P2RX7: variants seen among roughly 807,000 people sequenced by gnomAD.
P2RX7 encodes the protein purinergic receptor P2X 7.
Under a neutral mutation model 71.6 loss-of-function variants are expected in P2RX7, and 62 were observed. The observed-to-expected ratio is 0.87, with a 90% CI of 0.71 to 1.07. P2RX7 has a LOEUF of 1.07. P2RX7 is among the 50% of genes least tolerant of loss of function. The pLI is 0.00. For synonymous variants in P2RX7, 299 were observed against 283.3 expected (o/e 1.06, Z -0.56); for missense variants, 686 against 748.5 (o/e 0.92, Z 0.97).
chr12:121,134,610 T>C (rs1873137894), intron 1 of P2RX7, among the ~76,000 whole-genome samples: 1 of 152,210 alleles, frequency 6.6e-6, no homozygotes, highest in African/African-American at 2.4e-5. Context: ...CAGGCTGGTC[T>C]CAAACTCCTG....
At chr12:121,166,343 C>A (rs475836) in intron 7 of P2RX7, among the ~76,000 whole-genome samples, 156 bp downstream of exon 7, 2 of 151,790 alleles carry the variant, frequency 1.3e-5, no homozygotes, top group Non-Finnish European at 1.5e-5. Flanking sequence ...CTTTACCTAC[C>A]ATACCTCGTC....
chr12:121,164,353 A>T (rs1176918254), intron 5 of P2RX7, among the ~76,000 whole-genome samples: 1 of 152,216 alleles, frequency 6.6e-6, no homozygotes, highest in Non-Finnish European at 1.5e-5. Flanking sequence ...AGACTTTGCT[A>T]AGTTTTAGGT....
intron 8 of P2RX7, among the ~76,000 whole-genome samples, chr12:121,169,700 G>T (rs754970485): frequency 6.6e-6 from 1 of 152,150 alleles, no homozygotes; most frequent in East Asian, 1.9e-4. Context: ...GAACCCGGGG[G>T]TTTGAGGCTA....
In P2RX7 at chr12:121,176,228, A is replaced by AACACACACACACAC. The variant is rs56222751; in HGVS notation, c.972+779_972+792dup. ...GAGAGGCCAACACCCCAGCCCCTTC[A>AACACACACACACAC]ACACACACACACACACACACACACA... On this transcript the variant is annotated intron_variant, in intron 9 of 12. Coordinates refer to ENST00000328963, the MANE Select transcript of P2RX7 (RefSeq NM_002562.6). 6.2e-3 allele frequency among the ~76,000 whole-genome samples: 874 copies of AACACACACACACAC among 140,812 alleles called. 3 individuals are homozygous for AACACACACACACAC. The highest frequency in any genetic ancestry group is 0.018 in the South Asian group (74 of 4,162). The allele number at this position is 140,812 out of a possible 152,430, so 92.4% of individuals were successfully genotyped here.
At chr12:121,167,199 TG>T (rs1360023264) in intron 7 of P2RX7, among the ~76,000 whole-genome samples, 2 of 151,316 alleles carry the variant, frequency 1.3e-5, no homozygotes, top group African/African-American at 2.4e-5. Flanking sequence ...AATGGGGGCG[TG>T]GGGGGCATTA....
chr12:121,145,960 G>C (rs571918597), intron 1 of P2RX7, among the ~76,000 whole-genome samples: 124 of 152,218 alleles, frequency 8.1e-4, no homozygotes, highest in African/African-American at 2.8e-3. Context: ...GAAGTTGATG[G>C]GATAAATGAA....
chr12:121,152,743 C>A (rs1565947755), intron 1 of P2RX7, among the ~76,000 whole-genome samples: 1 of 152,236 alleles, frequency 6.6e-6, no homozygotes, highest in East Asian at 1.9e-4. Flanking sequence ...GCCTCAAACT[C>A]CTGACCTCAG....
In P2RX7 at chr12:121,178,791, CAAAAAAAAA is replaced by C. The variant is rs386377968; in HGVS notation, c.1188+1359_1188+1367del. Among the ~76,000 whole-genome samples the C allele has an allele frequency of 2.0e-4, 13 of 66,512 alleles. No homozygotes were observed. In the Admixed American group the frequency reaches 2.1e-3, roughly 11 times the overall value. The allele number at this position is 66,512 out of a possible 152,430, so 43.6% of individuals were successfully genotyped here. ...TGAGTGACAGAGGGAAACTCTGTCT[CAAAAAAAAA>C]AAAAAAAAAAAAATTATAGGACTTG... is the stretch of plus-strand genomic sequence containing the variant. On this transcript the variant is annotated intron_variant, in intron 11 of 12. Transcript: ENST00000328963.
rs59533773 is a variant in P2RX7, at chr12:121,166,887, C to CAAAA, written c.745-588_745-585dup. Among the ~76,000 whole-genome samples, 819 of 107,648 alleles carry CAAAA rather than the reference C, an allele frequency of 7.6e-3. 9 individuals are homozygous for CAAAA. Among genetic ancestry groups the CAAAA allele is most frequent in the African/African-American group, 0.025 (763 of 30,204 alleles). The allele number at this position is 107,648 out of a possible 152,430, so 70.6% of individuals were successfully genotyped here. On this transcript the variant is annotated intron_variant, in intron 7 of 12. Transcript: ENST00000328963. ...TGAAAGCCCATCTTTACTAAAAATA[C>CAAAA]AAAAAAAAAAAAAAAATAGCCGGGC...
At chr12:121,145,726 T>G (rs1320714237) in intron 1 of P2RX7, among the ~76,000 whole-genome samples, 1 of 152,102 alleles carries the variant, frequency 6.6e-6, no homozygotes, top group Non-Finnish European at 1.5e-5. Flanking sequence ...CAGGCTGGTC[T>G]CAAACTCCTG....
chr12:121,168,340 TCTCAG>T (rs1881545494), intron 8 of P2RX7, among the ~76,000 whole-genome samples: 1 of 151,776 alleles, frequency 6.6e-6, no homozygotes, highest in Non-Finnish European at 1.5e-5. Context: ...AGTGGCATGA[TCTCAG>T]CTCACTGCAA....
At chr12:121,155,506 A>G (rs2136045283) in intron 2 of P2RX7, 1 of 857,648 alleles carries the variant, frequency 1.2e-6, no homozygotes, top group East Asian at 6.2e-5. Flanking sequence ...AGAGAAATTA[A>G]AGTAGGGTTG....
In P2RX7 at chr12:121,149,866, C is replaced by G. The variant is rs781473319; in HGVS notation, c.126-4919C>G. Reference sequence around the variant, plus strand: ...AATATAGGTGCACACCACCACACCCCCACAACTTACCCATCCTCCCCGGCT... The same window carrying G: ...AATATAGGTGCACACCACCACACCCGCACAACTTACCCATCCTCCCCGGCT... On this transcript the variant is annotated intron_variant, in intron 1 of 12. Coordinates refer to ENST00000328963, the MANE Select transcript of P2RX7 (RefSeq NM_002562.6). This position sits in a 1 kb window ranked among gnomAD's most constrained non-coding sequence, Gnocchi z 4.7. Among the ~76,000 whole-genome samples the G allele has an allele frequency of 2.0e-5, 3 of 152,122 alleles. No homozygotes were observed. Among genetic ancestry groups the G allele is most frequent in the Non-Finnish European group, 4.4e-5 (3 of 68,020 alleles).
rs116890548 is a variant in P2RX7, at chr12:121,182,584, G to A, written c.1291-1721G>A. Among the ~76,000 whole-genome samples, 248 of 152,254 alleles carry A rather than the reference G, an allele frequency of 1.6e-3. 7 individuals are homozygous for A. The East Asian group carries it at 0.041, about 25-fold the overall frequency. On this transcript the variant is annotated intron_variant, in intron 12 of 12. Transcript: ENST00000328963. The stretch of plus-strand genomic sequence containing the variant: ...ATTTGTATATCTAAATATAGAAAAG[G>A]TACAGTGAAAATATGATATAAAAGC...
At chr12:121,172,353 G>A (rs1267063339) in intron 8 of P2RX7, among the ~76,000 whole-genome samples, 3 of 152,152 alleles carry the variant, frequency 2.0e-5, no homozygotes, top group Non-Finnish European at 4.4e-5. Context: ...TCACTGCCTG[G>A]GCACGTTGGC....
Position 121,154,491 on chromosome 12 carries a change from T to C in P2RX7, c.126-294T>C, listed in dbSNP as rs1177873686. Among the ~76,000 whole-genome samples, 1 of 152,032 alleles carries C rather than the reference T, an allele frequency of 6.6e-6. No individual in the cohort carries two copies. The highest frequency in any genetic ancestry group is 2.4e-5 in the African/African-American group (1 of 41,404). ...AAGCTGTCCTATCTATGAGGGTCCA[T>C]GTTAGGGAATATTAAAGAATAGGAT... On this transcript the variant is annotated intron_variant, in intron 1 of 12. Transcript: ENST00000328963. This position sits in a 1 kb window ranked among gnomAD's most constrained non-coding sequence, Gnocchi z 4.2.
At position 121,184,688 on chromosome 12, in the gene P2RX7, C is replaced by T. The variant is rs34226994; in HGVS notation, c.1674C>T (p.Phe558=). Residue 558 remains phenylalanine, a synonymous_variant, in exon 13 of 13, where the codon TTC becomes TTT. Coordinates refer to ENST00000328963, the MANE Select transcript of P2RX7 (RefSeq NM_002562.6). ...ACAGGTGCTACGCCACCTGGCGCTT[C>T]GGCTCCCAGGACATGGCTGACTTTG... The part of the protein sequence containing the change: ...CAYRCYATWR[F]GSQDMADFAI... 53 of 1,574,218 alleles carry T rather than the reference C, an allele frequency of 3.4e-5. No individual in the cohort carries two copies. The highest frequency in any genetic ancestry group is 2.4e-4 in the Admixed American group (13 of 53,776).
rs1355337201 is a variant in P2RX7 at position 121,175,378 on chromosome 12, C to A, written c.882-10C>A. The A allele has an allele frequency of 2.6e-6, 4 of 1,515,792 alleles. No individual in the cohort carries two copies. In the Admixed American group the frequency reaches 5.1e-5, roughly 19 times the overall value. 93.9% of individuals were successfully genotyped at this position (1,515,792 alleles called of 1,614,324 possible). On this transcript the variant is annotated splice_polypyrimidine_tract_variant and intron_variant, in intron 8 of 12. Coordinates refer to ENST00000328963, the MANE Select transcript of P2RX7 (RefSeq NM_002562.6). Reference sequence around the variant, plus strand: ...GGATCTTACAAATACAGATCCTTTTCTTCCTACAGATACGCCAAGTACTAC... The same window carrying A: ...GGATCTTACAAATACAGATCCTTTTATTCCTACAGATACGCCAAGTACTAC...
intron 5 of P2RX7, among the ~76,000 whole-genome samples, chr12:121,164,198 G>A (rs145947155): frequency 4.3e-4 from 65 of 152,252 alleles, no homozygotes; most frequent in Middle Eastern, 3.4e-3. Context: ...GGATTTTGAC[G>A]TGACCTGGGC....
Sources: gnomAD v4.1 joint callset for allele counts (sites outside exome capture counted in the v4.1 genomes callset) on GRCh38, gnomAD v4.1.1 for gene constraint, Gnocchi (gnomAD v3.1) non-coding constraint, MANE v1.5 for transcripts, NCBI Gene and HGNC (gene_info 2026-07-23, HGNC 2026-07-21) for gene names.